The following DDX19B variants were observed in gnomAD, a reference collection of about 807,000 sequenced individuals.
DDX19B encodes the protein ATP-dependent RNA helicase DDX19B.
A neutral mutation model predicts 58.1 loss-of-function variants in DDX19B; 27 were observed. The ratio of observed to expected loss-of-function variants is 0.46; its 90% confidence interval spans 0.34 to 0.64. The LOEUF (loss-of-function observed/expected upper bound fraction) is 0.64, where lower values mean the gene tolerates loss of function less well. Ranked by LOEUF, DDX19B falls within the 30% of genes least tolerant of loss-of-function variation. DDX19B has a pLI of 0.01. For missense variants in DDX19B, 399 were observed against 596.5 expected, an observed-to-expected ratio of 0.67 and a Z score of 3.45; for synonymous variants, 187 against 214.4, an observed-to-expected ratio of 0.87 and a Z score of 1.12.
upstream of DDX19B, among the ~76,000 whole-genome samples, chr16:70,298,304 G>T (rs771975074): frequency 6.5e-4 from 99 of 151,868 alleles, no homozygotes; most frequent in South Asian, 1.0e-3. Context: ...TACTTGGGAG[G>T]CTGAGGCAAG....
chr16:70,296,324 C>CGATG (rs773622329), upstream of DDX19B, among the ~76,000 whole-genome samples: 3 of 150,560 alleles, frequency 2.0e-5, no homozygotes, highest in Non-Finnish European at 3.0e-5. Context: ...TTTTAAGAGG[C>CGATG]GATGGTTTCA....
At chr16:70,325,473 C>G (rs1483337764) in intron 6 of DDX19B, 101 bp from the exon 7 acceptor site, 1 of 756,262 alleles carries the variant, frequency 1.3e-6, no homozygotes, top group Admixed American at 2.3e-5. Context: ...CATATTCTTT[C>G]CTTCAGCTTC....
chr16:70,321,373 C>G (rs1962801556), intron 5 of DDX19B, among the ~76,000 whole-genome samples: 2 of 152,254 alleles, frequency 1.3e-5, no homozygotes, highest in South Asian at 2.1e-4. Flanking sequence ...TCCCACCTTG[C>G]CTTCCCAAAG....
chr16:70,307,817 G>A (rs1298647406), intron 1 of DDX19B, among the ~76,000 whole-genome samples: 1 of 151,576 alleles, frequency 6.6e-6, no homozygotes, highest in African/African-American at 2.4e-5. Flanking sequence ...TGGAACTCCT[G>A]GGCTCAAGCA....
chr16:70,297,509 G>A (rs139849885), upstream of DDX19B, among the ~76,000 whole-genome samples: 172 of 152,254 alleles, frequency 1.1e-3, no homozygotes, highest in Non-Finnish European at 1.9e-3. Context: ...CATTGTGCCC[G>A]GCCTCATGGC....
upstream of DDX19B, among the ~76,000 whole-genome samples, chr16:70,291,536 T>TC (rs1279001765): frequency 1.3e-5 from 2 of 152,110 alleles, no homozygotes; most frequent in African/African-American, 4.8e-5. Flanking sequence ...TGGCCTAGCG[T>TC]GGTGACTCAT....
chr16:70,299,138 CA>C (rs1961340364), upstream of DDX19B: 6 of 1,359,456 alleles, frequency 4.4e-6, no homozygotes, highest in African/African-American at 7.5e-5. Context: ...AAAGGGTGGC[CA>C]AACAGGAGTG....
chr16:70,315,823 TA>T (rs1439945282), intron 3 of DDX19B, 145 bp from the exon 4 acceptor site: 1 of 1,152,106 alleles, frequency 8.7e-7, no homozygotes, highest in African/African-American at 1.5e-5. Context: ...AAAACTATTT[TA>T]ATTTATAAGT....
rs57977602 is a variant in DDX19B, at chr16:70,324,362, CAAAAAAAAAAAA to C, written c.390-208_390-197del. On this transcript the variant is annotated intron_variant, in intron 5 of 11. Coordinates refer to ENST00000288071, the MANE Select transcript of DDX19B (RefSeq NM_007242.7). Reference sequence around the variant, plus strand: ...TGGTCAACAGAGTGAGACCTAATCTCAAAAAAAAAAAAAAAAAAAAAAAAAAGAAGAAGATGT... The same window carrying C: ...TGGTCAACAGAGTGAGACCTAATCTCAAAAAAAAAAAAAAGAAGAAGATGT... Among the ~76,000 whole-genome samples the C allele has an allele frequency of 8.2e-5, 4 of 48,854 alleles. No homozygotes were observed. In the Admixed American group the frequency reaches 9.4e-4, roughly 12 times the overall value. The allele number at this position is 48,854 out of a possible 152,430, so 32.1% of individuals were successfully genotyped here. A position where few individuals can be genotyped will look rare whatever the true frequency, so the allele number is the denominator to read the frequency against.
chr16:70,299,156 G>T, upstream of DDX19B: 1 of 1,374,908 alleles, frequency 7.3e-7, no homozygotes. Flanking sequence ...AGTGGCCTCC[G>T]ACGTCACTGT....
intron 4 of DDX19B, 35 bp downstream of exon 4, chr16:70,316,139 T>G: frequency 5.6e-6 from 9 of 1,613,212 alleles, no homozygotes; most frequent in Non-Finnish European, 6.8e-6. Flanking sequence ...TCTTCCCCTT[T>G]GCACTGAAAT....
intron 1 of DDX19B, 50 bp from the exon 2 acceptor site, chr16:70,312,559 T>C: frequency 6.4e-7 from 1 of 1,551,706 alleles, no homozygotes; most frequent in Non-Finnish European, 8.9e-7. Context: ...TCCAAATCTT[T>C]TTAAGTGCTT....
intron 2 of DDX19B, 107 bp from the exon 3 acceptor site, chr16:70,314,795 T>A: frequency 1.7e-6 from 2 of 1,161,560 alleles, no homozygotes; most frequent in Non-Finnish European, 2.6e-6. Context: ...ATTTATTTTT[T>A]GCTCCCCAGG....
intron 1 of DDX19B, among the ~76,000 whole-genome samples, chr16:70,308,125 A>G (rs1049852917): frequency 2.7e-5 from 4 of 150,362 alleles, no homozygotes; most frequent in Non-Finnish European, 5.9e-5. Context: ...GCTAGTTTTT[A>G]TATTTTTAGT....
At chr16:70,298,032 T>C (rs932098763), upstream of DDX19B, among the ~76,000 whole-genome samples, 11 of 152,156 alleles carry the variant, frequency 7.2e-5, no homozygotes, top group South Asian at 2.1e-4. Flanking sequence ...CCTGGCACTT[T>C]GGGAGGTGGA....
At chr16:70,320,960 CTTTT>C (rs904476486) in intron 5 of DDX19B, among the ~76,000 whole-genome samples, 5 of 108,660 alleles carry the variant, frequency 4.6e-5, no homozygotes, top group African/African-American at 6.8e-5. Context: ...CCACACTAGG[CTTTT>C]TTTTTTTTTT....
At chr16:70,312,383 G>A (rs944002178) in intron 1 of DDX19B, among the ~76,000 whole-genome samples, 1 of 152,174 alleles carries the variant, frequency 6.6e-6, no homozygotes, top group African/African-American at 2.4e-5. Context: ...ATTTTAAGTA[G>A]AAGGTACAGA....
chr16:70,302,455 C>A (rs1461047783), intron 1 of DDX19B, among the ~76,000 whole-genome samples: 2 of 152,054 alleles, frequency 1.3e-5, no homozygotes, highest in Non-Finnish European at 2.9e-5. Context: ...TATAGTTTTG[C>A]CTTTTCCAAC....
At position 70,334,471 on chromosome 16, in the gene DDX19B, T is replaced by C. The variant is rs1410646870; in HGVS notation, c.*889T>C. On this transcript the variant is annotated 3_prime_UTR_variant, in exon 12 of 12. Transcript: ENST00000288071. ...CTGAGGTTTAGATCCTCAGTGAAAATTGTGGTTTCAAGTCTTCATGGCCAG... is the reference window on the plus strand; with the variant it reads ...CTGAGGTTTAGATCCTCAGTGAAAACTGTGGTTTCAAGTCTTCATGGCCAG... 1 of 152,120 alleles carries C rather than the reference T, an allele frequency of 6.6e-6. No homozygotes were observed. Among genetic ancestry groups the C allele is most frequent in the Non-Finnish European group, 1.5e-5 (1 of 68,036 alleles). The allele number at this position is 152,120 out of a possible 1,614,324, so 9.4% of individuals were successfully genotyped here.
Sources: allele counts gnomAD v4.1 joint callset (sites outside exome capture counted in the v4.1 genomes callset), GRCh38; gene constraint gnomAD v4.1.1; transcripts MANE v1.5; gene names NCBI Gene and HGNC (gene_info 2026-07-23, HGNC 2026-07-21).